WTIP: variants seen among roughly 807,000 people sequenced by gnomAD.
The protein encoded by WTIP is WT1 interacting protein.
Under a neutral mutation model 41.7 loss-of-function variants are expected in WTIP, and 23 were observed. The ratio of observed to expected loss-of-function variants is 0.55; its 90% CI spans 0.40 to 0.78. The LOEUF (loss-of-function observed/expected upper bound fraction) is 0.78, where lower values mean the gene tolerates loss of function less well. Ranked by LOEUF, WTIP falls within the 30% of genes least tolerant of loss-of-function variation. The pLI is 0.00. For missense variants in WTIP, 619 were observed against 610.5 expected (o/e 1.01, Z -0.15); for synonymous variants, 314 against 269.9 (o/e 1.16, Z -1.60).
intron 1 of WTIP, among the ~76,000 whole-genome samples, chr19:34,485,391 T>A (rs1287460618): frequency 1.3e-5 from 2 of 152,202 alleles, no homozygotes; most frequent in Non-Finnish European, 2.9e-5. Flanking sequence ...CCCACTTTCC[T>A]GATTTTAAAA....
intron 1 of WTIP, among the ~76,000 whole-genome samples, chr19:34,489,479 A>C (rs1377854718): frequency 6.6e-6 from 1 of 152,160 alleles, no homozygotes; most frequent in Non-Finnish European, 1.5e-5. Context: ...GAGTGGCTGC[A>C]GAGGGGTGGT....
chr19:34,485,217 G>A (rs2075791432), intron 1 of WTIP, among the ~76,000 whole-genome samples: 1 of 152,104 alleles, frequency 6.6e-6, no homozygotes, highest in South Asian at 2.1e-4. Context: ...CCAGTAGCTG[G>A]GATTACAGGT....
At position 34,512,292 on chromosome 19, in the gene WTIP, T is replaced by C. The variant is rs1457600093; in HGVS notation, c.*12023T>C. On this transcript the variant is annotated 3_prime_UTR_variant, in exon 8 of 8. Transcript: ENST00000590071. The stretch of plus-strand genomic sequence containing the variant: ...TTGATAAAGTTAATAAATGGAATTC[T>C]CCTTTACCTCAAGAATGCCTTATGT... 3 of 152,246 alleles carry C rather than the reference T, an allele frequency of 2.0e-5. No homozygotes were observed. Among genetic ancestry groups the C allele is most frequent in the Non-Finnish European group, 4.4e-5 (3 of 68,042 alleles). The allele number at this position is 152,246 out of a possible 1,614,324, so 9.4% of individuals were successfully genotyped here.
At position 34,493,441 on chromosome 19, in the gene WTIP, C is replaced by T. The variant is rs942874342; in HGVS notation, c.901-51C>T. ...TTCAGGGCCAGAGCCTCTCCCAGGG[C>T]GGTGCTGAGCCTCCTGCCCGCGCTG... On this transcript the variant is annotated intron_variant, in intron 4 of 7. Coordinates refer to ENST00000590071, the MANE Select transcript of WTIP (RefSeq NM_001080436.2). The surrounding 1 kb of genome is among the most constrained non-coding windows in gnomAD (Gnocchi z 4.1). 284 of 1,605,402 alleles carry T rather than the reference C, an allele frequency of 1.8e-4. No homozygotes were observed. The highest frequency in any genetic ancestry group is 5.2e-4 in the Admixed American group (30 of 58,206).
intron 1 of WTIP, among the ~76,000 whole-genome samples, chr19:34,483,332 T>C (rs550288806): frequency 2.6e-5 from 4 of 152,202 alleles, no homozygotes; most frequent in South Asian, 2.1e-4. Context: ...CCTGATCTTT[T>C]CTTCTTTGCG....
chr19:34,486,176 A>G (rs1360299786), intron 1 of WTIP, among the ~76,000 whole-genome samples: 1 of 151,968 alleles, frequency 6.6e-6, no homozygotes, highest in East Asian at 1.9e-4. Context: ...GCTTCTCAGC[A>G]GTTCCTCTCA....
Position 34,493,051 on chromosome 19 carries a change from G to A in WTIP, c.784G>A (p.Gly262Arg). The change falls in exon 3 of 8, where the codon GGG becomes AGG. Residue 262 changes from glycine (G) to arginine (R), a missense_variant. By Grantham distance (125) the Gly-to-Arg change is moderately radical. This residue lies in a region of WTIP where 164 missense variants were observed against 219.1 expected (regional missense o/e 0.75). Coordinates refer to ENST00000590071, the MANE Select transcript of WTIP (RefSeq NM_001080436.2). This position sits in a 1 kb window ranked among gnomAD's most constrained non-coding sequence, Gnocchi z 4.1. The stretch of plus-strand genomic sequence containing the variant: ...CACCCTTGCAGGGAGACGACTCCGT[G>A]GGAAGGCGTTCTACAACGTGGGTGA... ...TCDSCGRRLR[G>R]KAFYNVGEKV... is the part of the protein sequence containing the mutation. 1 of 1,613,924 alleles carries A rather than the reference G, an allele frequency of 6.2e-7. No homozygotes were observed. The highest frequency in any genetic ancestry group is 2.2e-5 in the East Asian group (1 of 44,862).
chr19:34,490,598 G>T lies in WTIP; in HGVS notation c.769+121G>T, dbSNP rs1399463505. Reference sequence around the variant, plus strand: ...GGACCACCTGGCTCTGGCCCAGGCTGGGCTGTGGAGGACTCTGTCTGGGGA... The same window carrying T: ...GGACCACCTGGCTCTGGCCCAGGCTTGGCTGTGGAGGACTCTGTCTGGGGA... On this transcript the variant is annotated intron_variant, in intron 2 of 7. Transcript: ENST00000590071. 22 of 1,078,466 alleles carry T rather than the reference G, an allele frequency of 2.0e-5. No homozygotes were observed. The East Asian group carries it at 5.7e-4, about 28-fold the overall frequency. 66.8% of individuals were successfully genotyped at this position (1,078,466 alleles called of 1,614,324 possible).
intron 1 of WTIP, among the ~76,000 whole-genome samples, chr19:34,486,374 T>G (rs2075797417): frequency 6.6e-6 from 1 of 151,744 alleles, no homozygotes; most frequent in Non-Finnish European, 1.5e-5. Context: ...GTTTGTTTTT[T>G]TTTTTTTTTT....
At position 34,488,547 on chromosome 19, in the gene WTIP, G is replaced by A. The variant is rs139490767; in HGVS notation, c.668-1829G>A. 4.1e-3 allele frequency among the ~76,000 whole-genome samples: 626 copies of A among 151,122 alleles called. 6 individuals are homozygous for A. Among genetic ancestry groups the A allele is most frequent in the African/African-American group, 0.015 (593 of 40,786 alleles). On this transcript the variant is annotated intron_variant, in intron 1 of 7. Transcript: ENST00000590071. ...TGCCTGGATATTTTTAAAAATTTTT[G>A]TAGAGATGAGGGTCTCGCTGTGTTT... is the stretch of plus-strand genomic sequence containing the variant.
At chr19:34,495,822 A>C in intron 7 of WTIP, 51 bp downstream of exon 7, 1 of 1,582,908 alleles carries the variant, frequency 6.3e-7, no homozygotes, top group Non-Finnish European at 8.7e-7. Flanking sequence ...CTCCTCCCAC[A>C]GGGCTCTCCT....
rs1485490187 is a variant in WTIP, at chr19:34,482,122, G to C, written c.148G>C (p.Gly50Arg). Reference sequence around the variant, plus strand: ...TGGAGACGAGGCGGCGCCCGCGCTGGGCCGCAGAGGGAAGGGCAGCGGCGG... The same window carrying C: ...TGGAGACGAGGCGGCGCCCGCGCTGCGCCGCAGAGGGAAGGGCAGCGGCGG... ...GPGDEAAPAL[G>R]RRGKGSGGPE... is the part of the protein sequence containing the mutation. Residue 50 changes from glycine (G) to arginine (R), a missense_variant, in exon 1 of 8, where the codon GGC becomes CGC. Gly to Arg is a moderately radical substitution (Grantham distance 125). Around this residue, in one of 3 missense-constraint regions of WTIP, gnomAD observed 363 missense variants for 309.0 expected, o/e 1.17. Coordinates refer to ENST00000590071, the MANE Select transcript of WTIP (RefSeq NM_001080436.2). The C allele has an allele frequency of 9.5e-7, 1 of 1,051,278 alleles. No homozygotes were observed. Among genetic ancestry groups the C allele is most frequent in the Non-Finnish European group, 1.1e-6 (1 of 874,252 alleles). The allele number at this position is 1,051,278 out of a possible 1,614,324, so 65.1% of individuals were successfully genotyped here.
chr19:34,486,333 C>T (rs1430911853), intron 1 of WTIP, among the ~76,000 whole-genome samples: 1 of 151,444 alleles, frequency 6.6e-6, no homozygotes, highest in Non-Finnish European at 1.5e-5. Flanking sequence ...GCAGGTCTTC[C>T]TGTCACCACT....
chr19:34,495,242 A>G (rs564510633), intron 6 of WTIP, among the ~76,000 whole-genome samples: 1 of 152,118 alleles, frequency 6.6e-6, no homozygotes, highest in Non-Finnish European at 1.5e-5. Context: ...CAAAAAAAAT[A>G]AAAAATTAGC....
rs1375244755 is a variant in WTIP, at chr19:34,500,124, C to T, written c.1153-5C>T. On this transcript the variant is annotated splice_polypyrimidine_tract_variant and splice_region_variant and intron_variant, in intron 7 of 7. Coordinates refer to ENST00000590071, the MANE Select transcript of WTIP (RefSeq NM_001080436.2). Reference sequence around the variant, plus strand: ...TCTGGGGCTGGGGGCTGTGTTCTTCCCTAGGACTGCGGGCTGCAGCTGAGC... The same window carrying T: ...TCTGGGGCTGGGGGCTGTGTTCTTCTCTAGGACTGCGGGCTGCAGCTGAGC... 1 of 1,599,146 alleles carries T rather than the reference C, an allele frequency of 6.3e-7. No homozygotes were observed. Among genetic ancestry groups the T allele is most frequent in the Admixed American group, 1.7e-5 (1 of 59,922 alleles).
intron 1 of WTIP, 21 bp downstream of exon 1, chr19:34,482,662 A>G: frequency 1.6e-6 from 2 of 1,226,306 alleles, no homozygotes; most frequent in Non-Finnish European, 1.0e-6. Context: ...TCGGCCCGGC[A>G]GTTCCCTGCG....
chr19:34,506,431 G>A lies in WTIP; in HGVS notation c.*6162G>A, dbSNP rs529380387. 2.0e-5 allele frequency: 3 copies of A among 152,342 alleles called. No homozygotes were observed. The East Asian group carries it at 5.8e-4, about 29-fold the overall frequency. 9.4% of individuals were successfully genotyped at this position (152,342 alleles called of 1,614,324 possible). On this transcript the variant is annotated 3_prime_UTR_variant, in exon 8 of 8. Transcript: ENST00000590071. ...CATCCTATTTACTCTGGAAAGCCTTGTCTCGTGTTTTAGAGCTTGTAGGGT... is the reference window on the plus strand; with the variant it reads ...CATCCTATTTACTCTGGAAAGCCTTATCTCGTGTTTTAGAGCTTGTAGGGT...
Position 34,482,228 on chromosome 19 carries a change from C to T in WTIP, c.254C>T (p.Pro85Leu). ...RAAVPELSAQ[P>L]AGSPRASLAG... ...GCGGTTCCGGAGCTCAGCGCGCAGC[C>T]TGCGGGCAGCCCACGGGCCAGCCTG... Residue 85 changes from proline to leucine, a missense_variant, in exon 1 of 8, where the codon CCT becomes CTT. Around this residue, in one of 3 missense-constraint regions of WTIP, gnomAD observed 363 missense variants for 309.0 expected, o/e 1.17. Coordinates refer to ENST00000590071, the MANE Select transcript of WTIP (RefSeq NM_001080436.2). 1.7e-6 allele frequency: 2 copies of T among 1,172,650 alleles called. No homozygotes were observed. The highest frequency in any genetic ancestry group is 2.1e-6 in the Non-Finnish European group (2 of 953,596). The allele number at this position is 1,172,650 out of a possible 1,614,324, so 72.6% of individuals were successfully genotyped here.
Position 34,502,843 on chromosome 19 carries a change from C to G in WTIP, c.*2574C>G, listed in dbSNP as rs184401866. On this transcript the variant is annotated 3_prime_UTR_variant, in exon 8 of 8. Transcript: ENST00000590071. ...TGTTGGGATTACAGGCTTGAGCCAC[C>G]GTGCCTGGCCTGGGCTCCTTTGCCT... The G allele has an allele frequency of 2.0e-3, 297 of 152,170 alleles. 1 individual carries two copies. Among genetic ancestry groups the G allele is most frequent in the African/African-American group, 6.3e-3 (262 of 41,468 alleles). The allele number at this position is 152,170 out of a possible 1,614,324, so 9.4% of individuals were successfully genotyped here.
Sources: allele counts gnomAD v4.1 joint callset (sites outside exome capture counted in the v4.1 genomes callset), GRCh38; gene constraint gnomAD v4.1.1; regional missense constraint gnomAD v4.1.1; non-coding constraint Gnocchi (gnomAD v3.1); transcripts MANE v1.5; gene names NCBI Gene and HGNC (gene_info 2026-07-23, HGNC 2026-07-21).